The following NAV1 variants were observed in gnomAD, a reference collection of about 807,000 sequenced individuals.
The protein encoded by NAV1 is pore membrane and/or filament interacting like protein 3.
In NAV1, 18 loss-of-function variants were observed where a neutral mutation model predicts 175.2. The ratio of observed to expected loss-of-function variants is 0.10; its 90% CI spans 0.07 to 0.15. The LOEUF (loss-of-function observed/expected upper bound fraction) is 0.15, where lower values mean the gene tolerates loss of function less well. Ranked by LOEUF, NAV1 falls within the 10% of genes least tolerant of loss-of-function variation. NAV1 has a pLI of 1.00. For synonymous variants in NAV1, 897 were observed against 978.7 expected (o/e 0.92, Z 1.56); for missense variants, 1,731 against 2,436.6 (o/e 0.71, Z 6.10).
intron 3 of NAV1, chr1:201,724,733 G>A (rs1177313740): frequency 1.3e-5 from 2 of 152,678 alleles, no homozygotes; most frequent in Non-Finnish European, 2.9e-5. Context: ...ATTCCTTGGC[G>A]ACTTCTGCCA....
At position 201,539,736 on chromosome 1, in the gene NAV1, G is replaced by T. The variant is rs376993256; in HGVS notation, c.-144+394G>T. ...TGCGTTCTTATACTCGCACCCACAC[G>T]GCAAGCACACACCCTACCCGCACCT... On this transcript the variant is annotated intron_variant, in intron 1 of 33. Coordinates refer to the NAV1 transcript ENST00000685211. The surrounding 1 kb of genome is among the most constrained non-coding windows in gnomAD (Gnocchi z 5.6). Among the ~76,000 whole-genome samples, 2 of 152,256 alleles carry T rather than the reference G, an allele frequency of 1.3e-5. No individual in the cohort carries two copies. The highest frequency in any genetic ancestry group is 4.8e-5 in the African/African-American group (2 of 41,560).
rs1672237064 is a variant in NAV1, at chr1:201,718,600, C to T, written c.1071C>T (p.Thr357=). ...GCGAACGGGCCCACTACTCCCACAC[C>T]ATGCCCATGCGCAGCCCCAGCAAGC... Residue 357 remains threonine, a synonymous_variant, in exon 3 of 30, where the codon ACC becomes ACT. Coordinates refer to ENST00000367296, the Ensembl canonical transcript of NAV1. This position sits in a 1 kb window ranked among gnomAD's most constrained non-coding sequence, Gnocchi z 4.8. 2 of 1,614,180 alleles carry T rather than the reference C, an allele frequency of 1.2e-6. No homozygotes were observed. The highest frequency in any genetic ancestry group is 1.7e-6 in the Non-Finnish European group (2 of 1,180,048).
intron 2 of NAV1, among the ~76,000 whole-genome samples, chr1:201,606,446 TG>T (rs1667679751): frequency 6.6e-6 from 1 of 152,206 alleles, no homozygotes; most frequent in Admixed American, 6.5e-5. Context: ...CCATGTGAAC[TG>T]TGAGGCTGTC....
chr1:201,650,842 G>A (rs190180620), intron 1 of NAV1, among the ~76,000 whole-genome samples: 2 of 152,294 alleles, frequency 1.3e-5, no homozygotes, highest in African/African-American at 4.8e-5. Flanking sequence ...TTTCCCCTGG[G>A]AGCCCCTCCT....
chr1:201,581,026 TG>T (rs1191374901), intron 1 of NAV1, among the ~76,000 whole-genome samples: 1 of 152,072 alleles, frequency 6.6e-6, no homozygotes, highest in African/African-American at 2.4e-5. Flanking sequence ...AGGTTGTTCG[TG>T]GGGGCCGGTG....
chr1:201,743,631 C>T (rs1225132820), intron 3 of NAV1, among the ~76,000 whole-genome samples: 1 of 151,986 alleles, frequency 6.6e-6, no homozygotes, highest in Admixed American at 6.5e-5. Context: ...GCAAGAGTCT[C>T]TCCCAAATTC....
chr1:201,748,001 C>T (rs1673879122), intron 3 of NAV1, among the ~76,000 whole-genome samples: 1 of 152,228 alleles, frequency 6.6e-6, no homozygotes, highest in African/African-American at 2.4e-5. Context: ...ACTTTGCAGA[C>T]ACCTTCTAGG....
intron 1 of NAV1, among the ~76,000 whole-genome samples, chr1:201,554,962 G>A (rs545015851): frequency 2.0e-5 from 3 of 152,270 alleles, no homozygotes; most frequent in African/African-American, 7.2e-5. Flanking sequence ...CCTTGGTGTA[G>A]AGACACATCA....
chr1:201,684,037 T>C (rs1315947573), intron 1 of NAV1, among the ~76,000 whole-genome samples: 2 of 152,240 alleles, frequency 1.3e-5, no homozygotes, highest in African/African-American at 4.8e-5. Context: ...GTTTTCAAAA[T>C]TGTTTCAGCT....
At chr1:201,704,965 C>T (rs1272069676) in intron 1 of NAV1, among the ~76,000 whole-genome samples, 1 of 152,124 alleles carries the variant, frequency 6.6e-6, no homozygotes, top group Non-Finnish European at 1.5e-5. Context: ...GTCATGTGTG[C>T]CCCCAAGCTA....
intron 2 of NAV1, among the ~76,000 whole-genome samples, chr1:201,604,744 A>AAGAAAG (rs1435618132): frequency 1.3e-4 from 19 of 149,718 alleles, no homozygotes; most frequent in African/African-American, 4.6e-4. Context: ...GAAAGAAAGA[A>AAGAAAG]AGAGAGAGAG....
intron 2 of NAV1, among the ~76,000 whole-genome samples, chr1:201,642,427 G>C (rs755605589): frequency 2.0e-5 from 3 of 151,822 alleles, no homozygotes; most frequent in Non-Finnish European, 4.4e-5. Context: ...GGGTTTCACC[G>C]TGTTAGCCAG....
intron 1 of NAV1, among the ~76,000 whole-genome samples, chr1:201,680,537 A>G (rs949334713): frequency 2.6e-4 from 39 of 152,148 alleles, no homozygotes; most frequent in African/African-American, 9.2e-4. Context: ...AATAAATAAA[A>G]TAAAATAAAG....
At chr1:201,784,238 ATC>A (rs976102549) in intron 7 of NAV1, among the ~76,000 whole-genome samples, 9 of 152,018 alleles carry the variant, frequency 5.9e-5, no homozygotes, top group African/African-American at 2.2e-4. Context: ...GCTCACTGCA[ATC>A]TCTGCCTCCC....
intron 2 of NAV1, among the ~76,000 whole-genome samples, chr1:201,715,540 C>T (rs1347211124): frequency 6.6e-6 from 1 of 152,190 alleles, no homozygotes; most frequent in Non-Finnish European, 1.5e-5. Flanking sequence ...ATACATACTC[C>T]CTGGGTTAGA....
In NAV1 at chr1:201,680,275, C is replaced by T. The variant is rs533458861; in HGVS notation, c.757+30850C>T. On this transcript the variant is annotated intron_variant, in intron 1 of 29. Transcript: ENST00000367296. ...CTGTAATCCCAGCACTTTGGGAGGC[C>T]GAGGTGGGCGGATCACCTGAGGTCA... Among the ~76,000 whole-genome samples, 18 of 152,124 alleles carry T rather than the reference C, an allele frequency of 1.2e-4. No individual in the cohort carries two copies. The South Asian group carries it at 2.7e-3, about 23-fold the overall frequency.
chr1:201,573,623 CCTG>C (rs1357679783), intron 1 of NAV1, among the ~76,000 whole-genome samples: 1 of 152,148 alleles, frequency 6.6e-6, no homozygotes. Context: ...TCCAGGCCTG[CCTG>C]CTGTACCTAT....
At chr1:201,689,721 A>G (rs1486752105) in intron 1 of NAV1, among the ~76,000 whole-genome samples, 1 of 152,090 alleles carries the variant, frequency 6.6e-6, no homozygotes, top group Non-Finnish European at 1.5e-5. Context: ...ACCTTCCCCT[A>G]ATAAAGCACC....
rs1422888711 is a variant in NAV1, at chr1:201,750,404, G to A, written c.1227-30017G>A. On this transcript the variant is annotated intron_variant, in intron 3 of 29. Coordinates refer to ENST00000367296, the Ensembl canonical transcript of NAV1. The surrounding 1 kb of genome is among the most constrained non-coding windows in gnomAD (Gnocchi z 4.1). ...GTGGGGAGGGGAGGAAGAGGGGCAGGTGGACTTGGTGACTCTGCCTCCCTT... is the reference window on the plus strand; with the variant it reads ...GTGGGGAGGGGAGGAAGAGGGGCAGATGGACTTGGTGACTCTGCCTCCCTT... Among the ~76,000 whole-genome samples the A allele has an allele frequency of 6.6e-6, 1 of 152,108 alleles. No homozygotes were observed. Among genetic ancestry groups the A allele is most frequent in the African/African-American group, 2.4e-5 (1 of 41,424 alleles).
Sources: allele counts gnomAD v4.1 joint callset (sites outside exome capture counted in the v4.1 genomes callset), GRCh38; gene constraint gnomAD v4.1.1; non-coding constraint Gnocchi (gnomAD v3.1); transcripts MANE v1.5; gene names NCBI Gene and HGNC (gene_info 2026-07-23, HGNC 2026-07-21).